The following C1orf146 variants were observed in gnomAD, a reference collection of about 807,000 sequenced individuals.
C1orf146 encodes the protein protein SPO16 homolog.
Under a neutral mutation model 23.0 loss-of-function variants are expected in C1orf146, and 22 were observed. The ratio of observed to expected loss-of-function variants is 0.96; its 90% CI spans 0.68 to 1.36. The LOEUF (loss-of-function observed/expected upper bound fraction) is 1.36. Among genes scored for constraint, C1orf146 ranks in the 40% most tolerant of loss-of-function variants. The pLI is 0.00. For synonymous variants in C1orf146, 59 were observed against 65.3 expected (o/e 0.90, Z 0.47); for missense variants, 199 against 206.8 (o/e 0.96, Z 0.23).
intron 5 of C1orf146, 38 bp downstream of exon 5, chr1:92,244,895 A>G: frequency 1.7e-6 from 2 of 1,207,630 alleles, no homozygotes; most frequent in South Asian, 1.3e-5. Flanking sequence ...ACACACATAC[A>G]TTTTAAGGTT....
At chr1:92,241,677 G>A (rs1359688377) in intron 2 of C1orf146, among the ~76,000 whole-genome samples, 1 of 152,132 alleles carries the variant, frequency 6.6e-6, no homozygotes, top group Non-Finnish European at 1.5e-5. Flanking sequence ...TACCATGTTG[G>A]TCAGGCTGGT....
chr1:92,227,391 A>C (rs1214414860), intron 1 of C1orf146, among the ~76,000 whole-genome samples: 3 of 152,120 alleles, frequency 2.0e-5, no homozygotes, highest in Non-Finnish European at 4.4e-5. Context: ...AAATACAAAA[A>C]AATTAGTCAG....
chr1:92,227,416 G>A (rs1021561444), intron 1 of C1orf146, among the ~76,000 whole-genome samples: 1 of 152,150 alleles, frequency 6.6e-6, no homozygotes, highest in Non-Finnish European at 1.5e-5. Context: ...GGTGGCGCCT[G>A]TAGTCCCAGC....
chr1:92,244,580 A>C (rs1028915645), intron 4 of C1orf146, among the ~76,000 whole-genome samples, 195 bp downstream of exon 4: 3 of 152,226 alleles, frequency 2.0e-5, no homozygotes, highest in African/African-American at 2.4e-5. Flanking sequence ...GGGCTTCTCC[A>C]AGACCAAGCC....
At chr1:92,219,496 CTT>C (rs71091269) in intron 1 of C1orf146, among the ~76,000 whole-genome samples, 3 of 81,158 alleles carry the variant, frequency 3.7e-5, no homozygotes, top group South Asian at 5.5e-4. Context: ...CTTTCTCTTT[CTT>C]TTTTTTTTTT....
chr1:92,219,528 G>C, intron 1 of C1orf146, among the ~76,000 whole-genome samples: 1 of 93,358 alleles, frequency 1.1e-5, no homozygotes, highest in Admixed American at 1.6e-4. Context: ...TTTTAAGACA[G>C]AGTCTCGCTC....
chr1:92,221,966 G>A (rs1651826713), intron 1 of C1orf146, among the ~76,000 whole-genome samples: 1 of 152,174 alleles, frequency 6.6e-6, no homozygotes. Context: ...AGATGGCTGG[G>A]TGTGGTGACT....
rs138425593 is a variant in C1orf146, at chr1:92,240,558, A to G, written c.67-1654A>G. 385 of 152,700 alleles carry G rather than the reference A, an allele frequency of 2.5e-3. 3 individuals are homozygous for G. The highest frequency in any genetic ancestry group is 9.3e-3 in the South Asian group (45 of 4,840). The allele number at this position is 152,700 out of a possible 1,614,324, so 9.5% of individuals were successfully genotyped here. ...GAAAAGAAAGGAAGCATGTATTTTT[A>G]TACATAATTTCAGCCTGTGTGCTTA... is the stretch of plus-strand genomic sequence containing the variant. On this transcript the variant is annotated intron_variant, in intron 2 of 5. Transcript: ENST00000370375.
intron 5 of C1orf146, 114 bp downstream of exon 5, chr1:92,244,971 G>A (rs1407280877): frequency 3.2e-6 from 2 of 618,910 alleles, no homozygotes; most frequent in East Asian, 2.8e-5. Context: ...TCCCCTGCGG[G>A]AGTTGCTGTT....
intron 1 of C1orf146, among the ~76,000 whole-genome samples, chr1:92,219,922 A>G (rs1214506946): frequency 1.3e-5 from 2 of 152,156 alleles, no homozygotes; most frequent in Non-Finnish European, 2.9e-5. Context: ...TCAAACCTTT[A>G]TATCAGTATA....
At chr1:92,224,240 C>G (rs1411517550) in intron 1 of C1orf146, among the ~76,000 whole-genome samples, 1 of 151,338 alleles carries the variant, frequency 6.6e-6, no homozygotes, top group South Asian at 2.1e-4. Flanking sequence ...TTAGTGGAGA[C>G]AGGTTGTCAC....
At chr1:92,242,160 A>T in intron 2 of C1orf146, 52 bp from the exon 3 acceptor site, 2 of 998,530 alleles carry the variant, frequency 2.0e-6, no homozygotes, top group Non-Finnish European at 3.0e-6. Flanking sequence ...TTTAGCTTTA[A>T]TACAATTGTA....
At chr1:92,226,277 G>T (rs1651965966) in intron 1 of C1orf146, among the ~76,000 whole-genome samples, 1 of 151,494 alleles carries the variant, frequency 6.6e-6, no homozygotes, top group African/African-American at 2.4e-5. Flanking sequence ...TACTTTCTCT[G>T]GATACTATAA....
At chr1:92,230,756 A>G (rs749446814) in intron 1 of C1orf146, among the ~76,000 whole-genome samples, 28 of 152,144 alleles carry the variant, frequency 1.8e-4, no homozygotes, top group South Asian at 4.1e-4. Context: ...TGGGTAAAAG[A>G]GTGAGACCCT....
intron 2 of C1orf146, among the ~76,000 whole-genome samples, chr1:92,232,883 G>T (rs988664353): frequency 6.6e-6 from 1 of 152,064 alleles, no homozygotes; most frequent in African/African-American, 2.4e-5. Flanking sequence ...TTTTTCATGT[G>T]TTTTTTGGCT....
intron 2 of C1orf146, among the ~76,000 whole-genome samples, chr1:92,236,828 A>G (rs1277958184): frequency 6.6e-6 from 1 of 151,902 alleles, no homozygotes; most frequent in African/African-American, 2.4e-5. Context: ...TTTTTTCTCT[A>G]AACTTCCCTT....
chr1:92,244,892 T>C (rs1464312783), intron 5 of C1orf146, 35 bp downstream of exon 5: 2 of 1,236,998 alleles, frequency 1.6e-6, no homozygotes, highest in Middle Eastern at 1.9e-4. Context: ...CATACACACA[T>C]ACATTTTAAG....
At chr1:92,222,997 A>T (rs1651874128) in intron 1 of C1orf146, among the ~76,000 whole-genome samples, 1 of 152,124 alleles carries the variant, frequency 6.6e-6, no homozygotes, top group Admixed American at 6.6e-5. Flanking sequence ...GGTTATGTGT[A>T]TCAATAGTTC....
chr1:92,244,251 T>G lies in C1orf146; in HGVS notation c.195T>G (p.Cys65Trp). The G allele has an allele frequency of 6.2e-7, 1 of 1,602,506 alleles. No homozygotes were observed. Among genetic ancestry groups the G allele is most frequent in the Non-Finnish European group, 8.5e-7 (1 of 1,172,018 alleles). ...VAFLLMDTKECLLSTEEIFLA... is the reference protein window; with the variant it reads ...VAFLLMDTKEWLLSTEEIFLA... The stretch of plus-strand genomic sequence containing the variant: ...TTTTATTAATGGATACTAAGGAATG[T>G]CTTCTGTCAACTGAAGAAATATTTC... Residue 65 changes from cysteine (C) to tryptophan (W), a missense_variant, in exon 4 of 6, where the codon TGT becomes TGG. Physicochemically the swap from Cys to Trp is radical, Grantham distance 215. Transcript: ENST00000370375.
Sources: gnomAD v4.1 joint callset for allele counts (sites outside exome capture counted in the v4.1 genomes callset) on GRCh38, gnomAD v4.1.1 for gene constraint, MANE v1.5 for transcripts, NCBI Gene and HGNC (gene_info 2026-07-23, HGNC 2026-07-21) for gene names.